B4GALNT3: variants seen among roughly 807,000 people sequenced by gnomAD.
B4GALNT3 encodes the protein beta-1,4-N-acetylgalactosaminyltransferase 3.
In B4GALNT3, 86 loss-of-function variants were observed where a neutral mutation model predicts 120.2. The ratio of observed to expected loss-of-function variants is 0.72; its 90% CI spans 0.60 to 0.86. The LOEUF is 0.86. B4GALNT3 is among the 40% of genes least tolerant of loss of function. B4GALNT3 has a pLI of 0.00. For synonymous variants in B4GALNT3, 518 were observed against 510.4 expected, an observed-to-expected ratio of 1.01 and a Z score of -0.20; for missense variants, 1,167 against 1,298.9, an observed-to-expected ratio of 0.90 and a Z score of 1.56.
chr12:460,302 C>A lies in B4GALNT3; in HGVS notation c.-75C>A. The A allele has an allele frequency of 1.0e-6, 1 of 956,926 alleles. No homozygotes were observed. Among genetic ancestry groups the A allele is most frequent in the Non-Finnish European group, 1.2e-6 (1 of 806,220 alleles). 59.3% of individuals were successfully genotyped at this position (956,926 alleles called of 1,614,324 possible). A position where few individuals can be genotyped will look rare whatever the true frequency, so the allele number is the denominator to read the frequency against. On this transcript the variant is annotated 5_prime_UTR_variant, in exon 1 of 20. Coordinates refer to ENST00000266383, the MANE Select transcript of B4GALNT3 (RefSeq NM_173593.4). This position sits in a 1 kb window ranked among gnomAD's most constrained non-coding sequence, Gnocchi z 8.0. ...GGGCCGGGACGCGGGGCGCCCTGGG[C>A]GCGGGGCCCGGCCGGGGGGCGGCGG...
At chr12:518,394 A>G (rs1166431093) in intron 1 of B4GALNT3, among the ~76,000 whole-genome samples, 1 of 152,188 alleles carries the variant, frequency 6.6e-6, no homozygotes, top group Admixed American at 6.5e-5. Context: ...CAGTATTTGC[A>G]TATAACCTAC....
chr12:518,716 A>T (rs1361686141), intron 1 of B4GALNT3, among the ~76,000 whole-genome samples: 2 of 152,194 alleles, frequency 1.3e-5, no homozygotes, highest in Non-Finnish European at 2.9e-5. Flanking sequence ...ATATACTTTA[A>T]ATCATCTGTA....
intron 1 of B4GALNT3, among the ~76,000 whole-genome samples, chr12:497,041 C>G (rs773613052): frequency 6.6e-5 from 10 of 152,178 alleles, no homozygotes; most frequent in Non-Finnish European, 1.0e-4. Context: ...TGCTGTGTTT[C>G]TCAGGCTGGT....
At chr12:491,303 C>T (rs1946337597) in intron 1 of B4GALNT3, among the ~76,000 whole-genome samples, 1 of 150,944 alleles carries the variant, frequency 6.6e-6, no homozygotes, top group Non-Finnish European at 1.5e-5. Flanking sequence ...AGATATTTGA[C>T]AAAACCTGAC....
chr12:481,275 G>A (rs1946239560), intron 1 of B4GALNT3, among the ~76,000 whole-genome samples: 1 of 152,210 alleles, frequency 6.6e-6, no homozygotes, highest in Non-Finnish European at 1.5e-5. Context: ...TCTGTGTAAT[G>A]GGAATAATGG....
intron 3 of B4GALNT3, among the ~76,000 whole-genome samples, 175 bp from the exon 4 acceptor site, chr12:544,164 G>A (rs564877834): frequency 4.1e-4 from 56 of 136,214 alleles, no homozygotes; most frequent in African/African-American, 1.4e-3. Flanking sequence ...GATCTGGGGC[G>A]GGTGTGGGAT....
intron 1 of B4GALNT3, among the ~76,000 whole-genome samples, chr12:480,615 T>C (rs1035843175): frequency 5.3e-5 from 8 of 152,116 alleles, no homozygotes; most frequent in South Asian, 2.1e-4. Flanking sequence ...TGGGTTCCTA[T>C]TGGTGACCTC....
At chr12:480,195 G>A (rs938531788) in intron 1 of B4GALNT3, among the ~76,000 whole-genome samples, 3 of 149,820 alleles carry the variant, frequency 2.0e-5, no homozygotes, top group Admixed American at 1.3e-4. Context: ...GATTACAGGC[G>A]TGAGCCACCG....
Position 561,349 on chromosome 12 carries a change from C to T in B4GALNT3, c.2895C>T (p.Leu965=), listed in dbSNP as rs777012902. ...TGTGTTTCTCCTCCTCCAGGATACT[C>T]CAAGCGGGCCTGGACGTGGAGCGTC... The part of the protein sequence containing the change: ...GEDWELLDRI[L]QAGLDVERLS... The change falls in exon 20 of 20, where the codon CTC becomes CTT. Residue 965 remains leucine, a synonymous_variant. Coordinates refer to ENST00000266383, the MANE Select transcript of B4GALNT3 (RefSeq NM_173593.4). The T allele has an allele frequency of 6.2e-7, 1 of 1,613,238 alleles. No individual in the cohort carries two copies. The highest frequency in any genetic ancestry group is 8.5e-7 in the Non-Finnish European group (1 of 1,179,290).
At position 541,851 on chromosome 12, in the gene B4GALNT3, AC is replaced by A. The variant is rs1362289154; in HGVS notation, c.352-2479del. 3.5e-3 allele frequency among the ~76,000 whole-genome samples: 201 copies of A among 56,844 alleles called. 1 individual carries two copies. The highest frequency in any genetic ancestry group is 0.01 in the African/African-American group (151 of 14,702). The allele number at this position is 56,844 out of a possible 152,430, so 37.3% of individuals were successfully genotyped here. ...CCAGTCCCCCCCCTCACCCCCCCCCACCCCCCCCCACCCCCCGGCCTCTGGC... is the reference window on the plus strand; with the variant it reads ...CCAGTCCCCCCCCTCACCCCCCCCCACCCCCCCCACCCCCCGGCCTCTGGC... On this transcript the variant is annotated intron_variant, in intron 3 of 19. Coordinates refer to ENST00000266383, the MANE Select transcript of B4GALNT3 (RefSeq NM_173593.4).
chr12:499,432 T>C (rs1946419157), intron 1 of B4GALNT3, among the ~76,000 whole-genome samples: 1 of 146,706 alleles, frequency 6.8e-6, no homozygotes, highest in Non-Finnish European at 1.5e-5. Flanking sequence ...GCTCTCACTA[T>C]CTAGAACAGT....
chr12:499,133 G>C (rs73590378), intron 1 of B4GALNT3, among the ~76,000 whole-genome samples: 4,206 of 152,336 alleles, frequency 0.028, 192 homozygotes, highest in African/African-American at 0.095. Flanking sequence ...AGGGATTGGT[G>C]CTGTCCCTTC....
At chr12:530,791 A>T (rs1429393796) in intron 1 of B4GALNT3, among the ~76,000 whole-genome samples, 1 of 152,220 alleles carries the variant, frequency 6.6e-6, no homozygotes, top group Non-Finnish European at 1.5e-5. Flanking sequence ...AATGAGGAAG[A>T]TGGTAATCTT....
intron 1 of B4GALNT3, among the ~76,000 whole-genome samples, chr12:504,129 A>AT (rs1304370135): frequency 6.6e-6 from 1 of 150,866 alleles, no homozygotes; most frequent in Non-Finnish European, 1.5e-5. Flanking sequence ...AAAAAAAAAA[A>AT]AGTGTTAAAG....
rs561094157 is a variant in B4GALNT3 at position 551,204 on chromosome 12, G to A, written c.1107+173G>A. 5.8e-4 allele frequency among the ~76,000 whole-genome samples: 88 copies of A among 152,310 alleles called. 3 individuals are homozygous for A. The South Asian group carries it at 0.016, about 28-fold the overall frequency. On this transcript the variant is annotated intron_variant, in intron 11 of 19. Transcript: ENST00000266383. ...AAGAACTTGCACTCCCAGATGGACC[G>A]CCCTGAATAGACTGTCCAGCAGAGC...
At chr12:538,420 G>A (rs1018964066) in intron 3 of B4GALNT3, among the ~76,000 whole-genome samples, 12 of 151,802 alleles carry the variant, frequency 7.9e-5, no homozygotes, top group Middle Eastern at 3.4e-3. Context: ...ATAGCTAGCC[G>A]TGGTGATGCA....
At chr12:510,127 G>A (rs1411982358) in intron 1 of B4GALNT3, among the ~76,000 whole-genome samples, 1 of 152,148 alleles carries the variant, frequency 6.6e-6, no homozygotes, top group Non-Finnish European at 1.5e-5. Flanking sequence ...ATGGACCCAG[G>A]TTGCCTAACC....
intron 1 of B4GALNT3, among the ~76,000 whole-genome samples, chr12:462,227 C>T (rs945548994): frequency 6.6e-6 from 1 of 152,062 alleles, no homozygotes; most frequent in Non-Finnish European, 1.5e-5. Flanking sequence ...GGAGGCGACA[C>T]CTCCTCCCAG....
At chr12:537,822 T>C (rs1315505683) in intron 3 of B4GALNT3, among the ~76,000 whole-genome samples, 2 of 152,182 alleles carry the variant, frequency 1.3e-5, no homozygotes, top group Non-Finnish European at 2.9e-5. Flanking sequence ...CTATCATAGG[T>C]GGAGCTCTTC....
Sources: gnomAD v4.1 joint callset for allele counts (sites outside exome capture counted in the v4.1 genomes callset) on GRCh38, gnomAD v4.1.1 for gene constraint, Gnocchi (gnomAD v3.1) non-coding constraint, MANE v1.5 for transcripts, NCBI Gene and HGNC (gene_info 2026-07-23, HGNC 2026-07-21) for gene names.